The following MOB3B variants were observed in gnomAD, a reference collection of about 807,000 sequenced individuals.
MOB3B encodes MOB kinase activator 3B, also known as MOB kinase activator-like 2B.
Under a neutral mutation model 18.7 loss-of-function variants are expected in MOB3B, and 7 were observed. The observed-to-expected ratio is 0.37, with a 90% CI of 0.21 to 0.70. The LOEUF (loss-of-function observed/expected upper bound fraction) is 0.70. Ranked by LOEUF, MOB3B falls within the 30% of genes least tolerant of loss-of-function variation. MOB3B has a pLI of 0.52. For missense variants in MOB3B, 253 were observed against 281.3 expected (o/e 0.90, Z 0.72); for synonymous variants, 111 against 99.9 (o/e 1.11, Z -0.66).
At chr9:27,469,743 T>G (rs761603310) in intron 1 of MOB3B, among the ~76,000 whole-genome samples, 69 of 152,158 alleles carry the variant, frequency 4.5e-4, no homozygotes, top group Non-Finnish European at 8.8e-4. Context: ...AATGGATCTG[T>G]TTAATACTTC....
chr9:27,513,913 A>G (rs60908688), intron 1 of MOB3B, among the ~76,000 whole-genome samples: 4 of 52,192 alleles, frequency 7.7e-5, no homozygotes, highest in Non-Finnish European at 9.5e-5. Flanking sequence ...GGATGGATGG[A>G]TGGATGGATG....
intron 2 of MOB3B, among the ~76,000 whole-genome samples, chr9:27,419,726 C>T (rs1040300858): frequency 2.6e-5 from 4 of 152,152 alleles, no homozygotes; most frequent in African/African-American, 9.7e-5. Context: ...TGGAAAAAGC[C>T]TTCTAGCCAT....
intron 1 of MOB3B, among the ~76,000 whole-genome samples, chr9:27,488,960 G>A (rs1819773363): frequency 6.6e-6 from 1 of 152,198 alleles, no homozygotes; most frequent in African/African-American, 2.4e-5. Flanking sequence ...TATTCTGGAA[G>A]GACTGGTAAC....
intron 2 of MOB3B, among the ~76,000 whole-genome samples, chr9:27,363,315 G>T (rs568570026): frequency 6.6e-6 from 1 of 151,926 alleles, no homozygotes; most frequent in Non-Finnish European, 1.5e-5. Flanking sequence ...TCGCACTTTC[G>T]CCCAGTACAG....
intron 1 of MOB3B, among the ~76,000 whole-genome samples, chr9:27,488,093 C>T (rs1021439653): frequency 6.6e-6 from 1 of 152,198 alleles, no homozygotes; most frequent in African/African-American, 2.4e-5. Flanking sequence ...CTGTTTCAGC[C>T]TCAAACCTGC....
At chr9:27,426,672 A>T (rs779415566) in intron 2 of MOB3B, among the ~76,000 whole-genome samples, 14 of 152,206 alleles carry the variant, frequency 9.2e-5, no homozygotes, top group Non-Finnish European at 1.5e-4. Flanking sequence ...AGAATAATAC[A>T]TGACACTGTC....
intron 3 of MOB3B, among the ~76,000 whole-genome samples, chr9:27,333,409 T>C (rs935621814): frequency 2.0e-5 from 3 of 152,166 alleles, no homozygotes; most frequent in African/African-American, 7.2e-5. Flanking sequence ...TCCATCGCTT[T>C]CTTCATCAGA....
intron 3 of MOB3B, among the ~76,000 whole-genome samples, chr9:27,344,177 A>G (rs1820998104): frequency 6.6e-6 from 1 of 152,170 alleles, no homozygotes; most frequent in Non-Finnish European, 1.5e-5. Flanking sequence ...TTTTACACAT[A>G]AGGCCATTAG....
intron 1 of MOB3B, among the ~76,000 whole-genome samples, chr9:27,472,678 TAA>T (rs56092176): frequency 0.042 from 4,125 of 98,822 alleles, 100 homozygotes; most frequent in African/African-American, 0.064. Flanking sequence ...CACTTTATTC[TAA>T]AAAAAAAAAA....
chr9:27,441,346 T>C (rs1301620321), intron 2 of MOB3B, among the ~76,000 whole-genome samples: 4 of 152,182 alleles, frequency 2.6e-5, no homozygotes, highest in Non-Finnish European at 5.9e-5. Context: ...AGTCCTTATG[T>C]TCACCTTTTC....
intron 1 of MOB3B, among the ~76,000 whole-genome samples, chr9:27,467,418 C>T (rs943946203): frequency 6.6e-6 from 1 of 152,172 alleles, no homozygotes; most frequent in African/African-American, 2.4e-5. Context: ...TGGATTTCTC[C>T]TATGATCAGA....
chr9:27,462,798 C>A (rs748095546), intron 1 of MOB3B, among the ~76,000 whole-genome samples: 9 of 152,202 alleles, frequency 5.9e-5, no homozygotes, highest in Non-Finnish European at 1.2e-4. Flanking sequence ...GCCCTAGCAC[C>A]ATGAGAACTT....
At chr9:27,412,703 T>A (rs1822088964) in intron 2 of MOB3B, among the ~76,000 whole-genome samples, 1 of 151,942 alleles carries the variant, frequency 6.6e-6, no homozygotes, top group East Asian at 1.9e-4. Flanking sequence ...GTGATGGGGG[T>A]TTAAGCAGCA....
At chr9:27,476,909 G>A (rs1220199406) in intron 1 of MOB3B, among the ~76,000 whole-genome samples, 2 of 152,144 alleles carry the variant, frequency 1.3e-5, no homozygotes, top group Non-Finnish European at 2.9e-5. Context: ...CCTAAGAGGT[G>A]GCTTGGACTC....
intron 1 of MOB3B, among the ~76,000 whole-genome samples, chr9:27,506,479 A>G (rs958395018): frequency 6.6e-6 from 1 of 151,822 alleles, no homozygotes; most frequent in Non-Finnish European, 1.5e-5. Flanking sequence ...GTATATGTTC[A>G]TATTCTGTAT....
intron 2 of MOB3B, among the ~76,000 whole-genome samples, chr9:27,378,117 A>T (rs1023506891): frequency 6.6e-6 from 1 of 152,248 alleles, no homozygotes; most frequent in South Asian, 2.1e-4. Flanking sequence ...AGGAACTGAA[A>T]CTAAGAGAGG....
At chr9:27,412,881 T>C (rs577410425) in intron 2 of MOB3B, among the ~76,000 whole-genome samples, 3 of 152,316 alleles carry the variant, frequency 2.0e-5, no homozygotes, top group South Asian at 4.1e-4. Context: ...ATATATCCCA[T>C]GGCAGCTCTA....
chr9:27,452,216 C>T (rs985650356), intron 2 of MOB3B, among the ~76,000 whole-genome samples: 15 of 152,282 alleles, frequency 9.9e-5, no homozygotes, highest in African/African-American at 3.1e-4. Flanking sequence ...GTCCATCCAT[C>T]CATCCATCCA....
intron 1 of MOB3B, among the ~76,000 whole-genome samples, chr9:27,490,775 T>C (rs1419006779): frequency 6.6e-6 from 1 of 152,150 alleles, no homozygotes; most frequent in East Asian, 1.9e-4. Flanking sequence ...TTGATGCTTT[T>C]AGCACCAATA....
Sources: allele counts gnomAD v4.1 joint callset (sites outside exome capture counted in the v4.1 genomes callset), GRCh38; gene constraint gnomAD v4.1.1; transcripts MANE v1.5; gene names NCBI Gene and HGNC (gene_info 2026-07-23, HGNC 2026-07-21).